The following NR3C2 variants were observed in gnomAD, a reference collection of about 807,000 sequenced individuals.
NR3C2 encodes nuclear receptor subfamily 3 group C member 2.
A neutral mutation model predicts 86.4 loss-of-function variants in NR3C2; 15 were observed. That is an observed-to-expected ratio of 0.17 (90% CI 0.12 to 0.27). The LOEUF is 0.27. NR3C2 is among the 10% of genes least tolerant of loss of function. NR3C2 has a pLI of 1.00. For synonymous variants in NR3C2, 458 were observed against 450.5 expected (o/e 1.02, Z -0.21); for missense variants, 960 against 1,195.6 (o/e 0.80, Z 2.91).
At chr4:148,126,546 G>A (rs1732755811) in intron 6 of NR3C2, among the ~76,000 whole-genome samples, 2 of 152,132 alleles carry the variant, frequency 1.3e-5, no homozygotes, top group Non-Finnish European at 1.5e-5. Flanking sequence ...ACATGAGAAC[G>A]GAACACCTCC....
intron 1 of NR3C2, among the ~76,000 whole-genome samples, chr4:148,438,614 A>C (rs1159590067): frequency 6.6e-6 from 1 of 152,176 alleles, no homozygotes; most frequent in African/African-American, 2.4e-5. Flanking sequence ...TTAAAAAAAA[A>C]CAAAAAACAC....
intron 4 of NR3C2, among the ~76,000 whole-genome samples, chr4:148,163,409 G>A (rs946650671): frequency 3.3e-5 from 5 of 152,090 alleles, no homozygotes; most frequent in African/African-American, 1.2e-4. Context: ...ATACTTTTCT[G>A]AAAAACAGGA....
intron 4 of NR3C2, among the ~76,000 whole-genome samples, chr4:148,193,837 G>A (rs528669771): frequency 5.9e-5 from 9 of 152,062 alleles, no homozygotes; most frequent in African/African-American, 1.9e-4. Context: ...TTATTTTGGT[G>A]TATATAGTTA....
intron 2 of NR3C2, among the ~76,000 whole-genome samples, chr4:148,400,778 CAAAAAA>C (rs34623514): frequency 7.9e-4 from 67 of 84,414 alleles, no homozygotes; most frequent in African/African-American, 2.8e-3. Context: ...GACTCCGTCT[CAAAAAA>C]AAAAAAAAAA....
At chr4:148,425,225 A>G (rs143441871) in intron 2 of NR3C2, among the ~76,000 whole-genome samples, 17 of 152,324 alleles carry the variant, frequency 1.1e-4, no homozygotes, top group African/African-American at 3.4e-4. Flanking sequence ...CTGAACATGA[A>G]CAACAGACCT....
At chr4:148,318,030 C>T (rs1396152909) in intron 2 of NR3C2, among the ~76,000 whole-genome samples, 1 of 125,004 alleles carries the variant, frequency 8.0e-6, no homozygotes, top group Non-Finnish European at 1.6e-5. Flanking sequence ...CCCCCCTCCC[C>T]CCACCCCACA....
At chr4:148,314,449 G>A (rs1316251752) in intron 2 of NR3C2, among the ~76,000 whole-genome samples, 1 of 152,002 alleles carries the variant, frequency 6.6e-6, no homozygotes, top group Non-Finnish European at 1.5e-5. Flanking sequence ...TAGTTTTACA[G>A]GTGTTTTTAC....
chr4:148,401,415 A>AATG (rs1748154239), intron 2 of NR3C2, among the ~76,000 whole-genome samples: 2 of 151,572 alleles, frequency 1.3e-5, no homozygotes, highest in South Asian at 4.2e-4. Flanking sequence ...TTTTGGTCTA[A>AATG]ATGATGCAAG....
chr4:148,251,772 C>A (rs1290659460), intron 3 of NR3C2, among the ~76,000 whole-genome samples: 1 of 151,854 alleles, frequency 6.6e-6, no homozygotes, highest in Non-Finnish European at 1.5e-5. Context: ...TAGAGATTAC[C>A]CAATTTCTTT....
chr4:148,435,247 C>T lies in NR3C2; in HGVS notation c.1614G>A (p.Ser538=), dbSNP rs146153919. Residue 538 remains serine, a synonymous_variant, in exon 2 of 9, where the codon TCG becomes TCA. Coordinates refer to ENST00000358102, the MANE Select transcript of NR3C2 (RefSeq NM_000901.5). ...GGTGTTGGAAAGATTGGTCTCTAGCCGATCGTGATAAAGATATTGTACCTT... is the reference window on the plus strand; with the variant it reads ...GGTGTTGGAAAGATTGGTCTCTAGCTGATCGTGATAAAGATATTGTACCTT... ...GAQGTISLSR[S]ARDQSFQHLS... is the part of the protein sequence containing the mutation. 4.3e-6 allele frequency: 7 copies of T among 1,614,130 alleles called. No individual in the cohort carries two copies. The highest frequency in any genetic ancestry group is 1.6e-4 in the Middle Eastern group (1 of 6,062).
chr4:148,207,237 C>G (rs1296584764), intron 3 of NR3C2, among the ~76,000 whole-genome samples: 1 of 152,122 alleles, frequency 6.6e-6, no homozygotes, highest in Non-Finnish European at 1.5e-5. Flanking sequence ...ATAGGTGATA[C>G]TATCCTCATG....
intron 3 of NR3C2, among the ~76,000 whole-genome samples, chr4:148,200,684 ATTTCATGAG>A (rs907197171): frequency 6.6e-6 from 1 of 152,226 alleles, no homozygotes; most frequent in African/African-American, 2.4e-5. Flanking sequence ...AAAAGTGCCT[ATTTCATGAG>A]TTATCATGAA....
chr4:148,120,132 C>T (rs1483817839), intron 7 of NR3C2, 26 bp downstream of exon 7: 1 of 1,613,666 alleles, frequency 6.2e-7, no homozygotes, highest in African/African-American at 1.3e-5. Context: ...AATATAGAAA[C>T]AGTGCCAGAA....
intron 4 of NR3C2, among the ~76,000 whole-genome samples, chr4:148,191,845 T>C (rs181879724): frequency 4.6e-4 from 70 of 152,374 alleles, no homozygotes; most frequent in African/African-American, 1.4e-3. Flanking sequence ...TTGATTGTTT[T>C]TTTCTTTAAG....
chr4:148,097,126 C>T (rs553286546), intron 8 of NR3C2, among the ~76,000 whole-genome samples: 3 of 152,260 alleles, frequency 2.0e-5, no homozygotes, highest in South Asian at 2.1e-4. Flanking sequence ...CTTTAGGAAA[C>T]GCCTTAGAAA....
intron 6 of NR3C2, among the ~76,000 whole-genome samples, chr4:148,125,495 T>C (rs1732701364): frequency 1.3e-5 from 2 of 152,232 alleles, no homozygotes; most frequent in South Asian, 4.1e-4. Flanking sequence ...TCTGTGGCAT[T>C]AGTTCTGCTT....
intron 8 of NR3C2, among the ~76,000 whole-genome samples, chr4:148,104,343 T>G (rs1458011748): frequency 2.1e-5 from 2 of 96,542 alleles, no homozygotes. Flanking sequence ...TTTGGTTTGG[T>G]TTTTTTTTTT....
chr4:148,351,985 T>G (rs1361508707), intron 2 of NR3C2, among the ~76,000 whole-genome samples: 1 of 152,162 alleles, frequency 6.6e-6, no homozygotes, highest in Non-Finnish European at 1.5e-5. Context: ...GATTAATGTG[T>G]GGTTGAAAAA....
intron 2 of NR3C2, among the ~76,000 whole-genome samples, chr4:148,300,647 G>A (rs945610485): frequency 1.3e-4 from 18 of 137,542 alleles, no homozygotes; most frequent in Admixed American, 4.0e-4. Context: ...GTGCAATGAC[G>A]CAATCTCCTC....
Sources: gnomAD v4.1 joint callset for allele counts (sites outside exome capture counted in the v4.1 genomes callset) on GRCh38, gnomAD v4.1.1 for gene constraint, MANE v1.5 for transcripts, NCBI Gene and HGNC (gene_info 2026-07-23, HGNC 2026-07-21) for gene names.